EPB41L4A: variants seen among roughly 807,000 people sequenced by gnomAD.
EPB41L4A encodes band 4.1-like protein 4A.
EPB41L4A carries 100 observed loss-of-function variants against 108.6 expected under a neutral mutation model. The observed-to-expected ratio is 0.92, with a 90% CI of 0.78 to 1.09. The LOEUF is 1.09. EPB41L4A is among the 50% of genes least tolerant of loss of function. EPB41L4A has a pLI of 0.00. For missense variants in EPB41L4A, 1,030 were observed against 842.7 expected, an observed-to-expected ratio of 1.22 and a Z score of -2.75; for synonymous variants, 319 against 289.0, an observed-to-expected ratio of 1.10 and a Z score of -1.05.
intron 18 of EPB41L4A, chr5:112,173,543 TAA>T (rs1189143715): frequency 1.6e-5 from 2 of 123,654 alleles, no homozygotes; most frequent in Non-Finnish European, 3.4e-5. Context: ...GGAAAAAAAA[TAA>T]GAGTGTTTTC....
chr5:112,249,057 AG>A (rs1343337087), intron 9 of EPB41L4A: 1 of 152,218 alleles, frequency 6.6e-6, no homozygotes, highest in African/African-American at 2.4e-5. Context: ...TACACAGTGT[AG>A]GTCATCACTG....
At chr5:112,173,988 C>T (rs906442791) in intron 18 of EPB41L4A, among the ~76,000 whole-genome samples, 6 of 152,156 alleles carry the variant, frequency 3.9e-5, no homozygotes, top group African/African-American at 1.4e-4. Flanking sequence ...ACCTTCTAGC[C>T]ATTAACATTG....
intron 1 of EPB41L4A, among the ~76,000 whole-genome samples, chr5:112,395,350 A>G (rs1017062646): frequency 6.6e-6 from 1 of 152,258 alleles, no homozygotes; most frequent in Non-Finnish European, 1.5e-5. Flanking sequence ...TACTCATCTG[A>G]CAAAGGACTA....
intron 4 of EPB41L4A, among the ~76,000 whole-genome samples, chr5:112,269,683 G>C (rs985247993): frequency 2.0e-5 from 3 of 152,078 alleles, no homozygotes; most frequent in East Asian, 1.9e-4. Context: ...ATTCTCTAAA[G>C]TGTCAGGAGT....
chr5:112,151,877 C>T (rs186442100), intron 12 of EPB41L4A, among the ~76,000 whole-genome samples: 300 of 152,092 alleles, frequency 2.0e-3, no homozygotes, highest in African/African-American at 7.1e-3. Flanking sequence ...ATTACAGGCA[C>T]ATGCCACCAC....
At chr5:112,388,859 G>A (rs73214252) in intron 1 of EPB41L4A, among the ~76,000 whole-genome samples, 3,507 of 152,256 alleles carry the variant, frequency 0.023, 146 homozygotes, top group African/African-American at 0.081. Flanking sequence ...AGCCAGGCAG[G>A]AGACAGCCTC....
At chr5:112,267,924 C>A (rs1751978805) in intron 4 of EPB41L4A, among the ~76,000 whole-genome samples, 1 of 152,204 alleles carries the variant, frequency 6.6e-6, no homozygotes, top group Non-Finnish European at 1.5e-5. Flanking sequence ...TCAGTGACCA[C>A]CCTGTTCCAT....
rs376720068 is a variant in EPB41L4A, at chr5:112,254,784, C to G, written c.795+4445G>C. Among the ~76,000 whole-genome samples the G allele has an allele frequency of 5.9e-5, 9 of 151,932 alleles. No homozygotes were observed. The East Asian group carries it at 1.4e-3, about 23-fold the overall frequency. On this transcript the variant is annotated intron_variant, in intron 9 of 22. Coordinates refer to ENST00000261486, the MANE Select transcript of EPB41L4A (RefSeq NM_022140.5). ...ACCCCCCAGTAATGCTCAGCATACCCCCTCGCCTGTCTCTTTCTTCATCAC... is the reference window on the plus strand; with the variant it reads ...ACCCCCCAGTAATGCTCAGCATACCGCCTCGCCTGTCTCTTTCTTCATCAC...
intron 13 of EPB41L4A, among the ~76,000 whole-genome samples, chr5:112,145,610 C>T (rs1759222519): frequency 1.3e-5 from 2 of 152,140 alleles, no homozygotes; most frequent in Admixed American, 1.3e-4. Flanking sequence ...CATGTAGTGG[C>T]CTTTACATGT....
chr5:112,409,570 C>T (rs766075345), intron 1 of EPB41L4A, among the ~76,000 whole-genome samples: 4 of 152,036 alleles, frequency 2.6e-5, no homozygotes, highest in Admixed American at 6.6e-5. Flanking sequence ...ACCTAGAAAA[C>T]GGAAAGGAGA....
chr5:112,334,403 C>A (rs1756787844), intron 1 of EPB41L4A, among the ~76,000 whole-genome samples: 1 of 152,152 alleles, frequency 6.6e-6, no homozygotes, highest in South Asian at 2.1e-4. Context: ...AGTCTAGCAC[C>A]TTTTATATAT....
intron 4 of EPB41L4A, among the ~76,000 whole-genome samples, chr5:112,267,460 T>C (rs766189067): frequency 5.9e-5 from 9 of 152,342 alleles, no homozygotes; most frequent in Admixed American, 2.6e-4. Context: ...ATTGCAACCA[T>C]ATGTTTCAGA....
At chr5:112,153,755 T>C (rs1759555464) in intron 12 of EPB41L4A, among the ~76,000 whole-genome samples, 1 of 151,342 alleles carries the variant, frequency 6.6e-6, no homozygotes, top group Non-Finnish European at 1.5e-5. Context: ...AAAGGACATA[T>C]TATGGAACAC....
intron 1 of EPB41L4A, among the ~76,000 whole-genome samples, chr5:112,334,478 T>A (rs1756791960): frequency 6.6e-6 from 1 of 152,160 alleles, no homozygotes; most frequent in South Asian, 2.1e-4. Context: ...TTCATCTACA[T>A]AATACAAACC....
At position 112,262,490 on chromosome 5, in the gene EPB41L4A, T is replaced by C; in HGVS notation, c.642+4A>G. ...ATATTTTGTGTTAATTAAATGTTAC[T>C]CACATAGACGGGATGGAGGTCAACG... On this transcript the variant is annotated splice_donor_region_variant and intron_variant, in intron 7 of 22. Coordinates refer to ENST00000261486, the MANE Select transcript of EPB41L4A (RefSeq NM_022140.5). 6.2e-7 allele frequency: 1 copy of C among 1,611,094 alleles called. No individual in the cohort carries two copies. The highest frequency in any genetic ancestry group is 8.5e-7 in the Non-Finnish European group (1 of 1,177,836).
rs150655755 is a variant in EPB41L4A at position 112,385,156 on chromosome 5, C to T, written c.99+33785G>A. Reference sequence around the variant, plus strand: ...AGCCTACAGCCTGACAATGTGACCCCGATCCTGACCAAAAGGACCAGAGGG... The same window carrying T: ...AGCCTACAGCCTGACAATGTGACCCTGATCCTGACCAAAAGGACCAGAGGG... On this transcript the variant is annotated intron_variant, in intron 1 of 22. Transcript: ENST00000261486. Among the ~76,000 whole-genome samples, 1,058 of 152,262 alleles carry T rather than the reference C, an allele frequency of 6.9e-3. 21 individuals carry two copies. Among genetic ancestry groups the T allele is most frequent in the African/African-American group, 0.024 (1,007 of 41,534 alleles).
chr5:112,340,249 G>A (rs1225858556), intron 1 of EPB41L4A, among the ~76,000 whole-genome samples: 2 of 152,186 alleles, frequency 1.3e-5, no homozygotes, highest in Non-Finnish European at 2.9e-5. Context: ...CCTCTCTGTA[G>A]CACAGTGGTT....
At chr5:112,334,592 T>C (rs940678110) in intron 1 of EPB41L4A, among the ~76,000 whole-genome samples, 1 of 152,154 alleles carries the variant, frequency 6.6e-6, no homozygotes, top group Non-Finnish European at 1.5e-5. Context: ...GTCAGAAAAA[T>C]CTTTAAATTC....
chr5:112,229,980 T>A (rs1270824821), intron 12 of EPB41L4A, among the ~76,000 whole-genome samples: 9 of 130,614 alleles, frequency 6.9e-5, no homozygotes, highest in African/African-American at 2.4e-4. Flanking sequence ...AGAGCTAGAC[T>A]CTGTCTCAAA....
Sources: allele counts gnomAD v4.1 joint callset (sites outside exome capture counted in the v4.1 genomes callset), GRCh38; gene constraint gnomAD v4.1.1; transcripts MANE v1.5; gene names NCBI Gene and HGNC (gene_info 2026-07-23, HGNC 2026-07-21).